The following LMBRD1 variants were observed in gnomAD, a reference collection of about 807,000 sequenced individuals.
LMBRD1 encodes LMBR1 domain containing 1.
In LMBRD1, 64 loss-of-function variants were observed where a neutral mutation model predicts 74.8. That is an observed-to-expected ratio of 0.86 (90% CI 0.70 to 1.05). LMBRD1 has a LOEUF of 1.05. Ranked by LOEUF, LMBRD1 falls within the 50% of genes least tolerant of loss-of-function variation. The pLI is 0.00. For synonymous variants in LMBRD1, 204 were observed against 216.3 expected, an observed-to-expected ratio of 0.94 and a Z score of 0.50; for missense variants, 652 against 645.9, an observed-to-expected ratio of 1.01 and a Z score of -0.10.
intron 3 of LMBRD1, among the ~76,000 whole-genome samples, chr6:69,761,162 G>A (rs1765364149): frequency 6.6e-6 from 1 of 152,204 alleles, no homozygotes; most frequent in South Asian, 2.1e-4. Context: ...TGCTGTGTAA[G>A]TTCTAAGAAT....
chr6:69,699,232 C>A (rs1766075219), intron 12 of LMBRD1, 40 bp from the exon 13 acceptor site: 3 of 1,535,048 alleles, frequency 2.0e-6, no homozygotes, highest in Non-Finnish European at 2.7e-6. Flanking sequence ...CAATATATTT[C>A]ATTTATAAAG....
In LMBRD1 at chr6:69,790,301, A is replaced by G; in HGVS notation, c.241T>C (p.Phe81Leu). ...CAAAGTAAGATTATATTTACCTTAA[A>G]TGTACCATTTTGATTTTTCATGTAA... is the stretch of plus-strand genomic sequence containing the variant. ...VSYMKNQNGT[F>L]KDWANANVSR... is the part of the protein sequence containing the mutation. The change falls in exon 2 of 16, where the codon TTT (phenylalanine) becomes CTT (leucine). Residue 81 changes from phenylalanine to leucine, a missense_variant. Physicochemically the swap from Phe to Leu is conservative, Grantham distance 22. This residue lies in a region of LMBRD1 where 598 missense variants were observed against 581.8 expected (regional missense o/e 1.03). Transcript: ENST00000649934. The G allele has an allele frequency of 6.2e-7, 1 of 1,604,896 alleles. No homozygotes were observed. Among genetic ancestry groups the G allele is most frequent in the Non-Finnish European group, 8.5e-7 (1 of 1,171,856 alleles).
intron 7 of LMBRD1, among the ~76,000 whole-genome samples, chr6:69,724,228 A>G (rs1036773848): frequency 6.6e-6 from 1 of 151,532 alleles, no homozygotes; most frequent in African/African-American, 2.4e-5. Context: ...GCCGAATTCT[A>G]TCAAACATTT....
intron 7 of LMBRD1, among the ~76,000 whole-genome samples, chr6:69,719,805 C>G (rs542910777): frequency 1.3e-5 from 2 of 152,284 alleles, no homozygotes; most frequent in East Asian, 3.9e-4. Context: ...GTGGCAGCAA[C>G]AAACTCTGAA....
At chr6:69,780,352 C>T in intron 3 of LMBRD1, 142 bp downstream of exon 3, 1 of 682,886 alleles carries the variant, frequency 1.5e-6, no homozygotes, top group Non-Finnish European at 2.7e-6. Context: ...ACTCCCTGCT[C>T]CTTAAAACTA....
chr6:69,747,612 C>A (rs1765014575), intron 5 of LMBRD1, among the ~76,000 whole-genome samples: 1 of 152,198 alleles, frequency 6.6e-6, no homozygotes, highest in Non-Finnish European at 1.5e-5. Flanking sequence ...CCTCTACCAT[C>A]AACATCTGGT....
At chr6:69,792,083 T>C (rs1766100506) in intron 1 of LMBRD1, among the ~76,000 whole-genome samples, 1 of 152,238 alleles carries the variant, frequency 6.6e-6, no homozygotes, top group Non-Finnish European at 1.5e-5. Context: ...GTCTCTACTT[T>C]TTTCCAGGAA....
chr6:69,794,407 C>T (rs565658301), intron 1 of LMBRD1, among the ~76,000 whole-genome samples: 27 of 152,316 alleles, frequency 1.8e-4, no homozygotes, highest in Non-Finnish European at 5.9e-5. Flanking sequence ...AGCATGCGTA[C>T]ATAAAGTCCT....
intron 14 of LMBRD1, among the ~76,000 whole-genome samples, chr6:69,688,889 A>G (rs1354493368): frequency 1.3e-5 from 2 of 152,260 alleles, no homozygotes; most frequent in South Asian, 4.1e-4. Flanking sequence ...ATGTCAAAAC[A>G]TACAAAGTTA....
intron 5 of LMBRD1, among the ~76,000 whole-genome samples, chr6:69,743,120 T>C (rs1767140452): frequency 6.6e-6 from 1 of 152,076 alleles, no homozygotes; most frequent in Non-Finnish European, 1.5e-5. Flanking sequence ...AACAGAAATA[T>C]AAACTAAGCA....
intron 14 of LMBRD1, among the ~76,000 whole-genome samples, chr6:69,687,754 T>G (rs1314505044): frequency 6.6e-6 from 1 of 152,166 alleles, no homozygotes; most frequent in East Asian, 1.9e-4. Flanking sequence ...CTAGTAGAGT[T>G]GATGACTTAT....
intron 14 of LMBRD1, among the ~76,000 whole-genome samples, chr6:69,691,980 C>T (rs1191146797): frequency 6.6e-6 from 1 of 150,898 alleles, no homozygotes; most frequent in African/African-American, 2.4e-5. Flanking sequence ...TACTCCAGAA[C>T]TTAAAGTTCA....
intron 2 of LMBRD1, among the ~76,000 whole-genome samples, chr6:69,785,111 C>A (rs1055995129): frequency 2.6e-5 from 4 of 152,144 alleles, no homozygotes; most frequent in African/African-American, 7.2e-5. Flanking sequence ...ACTTCTCTAC[C>A]CCATTCACTT....
rs186153151 is a variant in LMBRD1 at position 69,791,888 on chromosome 6, C to G, written c.70-1416G>C. ...TAAGGGCTAATAAGACCCTGAAAAA[C>G]CAGGGTGTGGACCAAGCTGGTTAAG... On this transcript the variant is annotated intron_variant, in intron 1 of 15. Transcript: ENST00000649934. 9.7e-4 allele frequency among the ~76,000 whole-genome samples: 147 copies of G among 152,282 alleles called. 2 individuals carry two copies. In the South Asian group the frequency reaches 0.015, roughly 15 times the overall value.
At chr6:69,710,462 T>C (rs756157718) in intron 9 of LMBRD1, among the ~76,000 whole-genome samples, 1 of 152,030 alleles carries the variant, frequency 6.6e-6, no homozygotes, top group African/African-American at 2.4e-5. Context: ...CACAAAAATA[T>C]GAACCAAAAA....
At chr6:69,688,416 T>TC (rs36100036) in intron 14 of LMBRD1, among the ~76,000 whole-genome samples, 8 of 151,806 alleles carry the variant, frequency 5.3e-5, no homozygotes, top group South Asian at 2.1e-4. Context: ...TTTTTTTTTT[T>TC]CACTTAAATC....
intron 8 of LMBRD1, among the ~76,000 whole-genome samples, chr6:69,714,239 C>G (rs527987531): frequency 6.6e-6 from 1 of 151,958 alleles, no homozygotes; most frequent in South Asian, 2.1e-4. Flanking sequence ...GCTTCTCAGC[C>G]CAATTCAAAT....
intron 4 of LMBRD1, among the ~76,000 whole-genome samples, chr6:69,751,515 C>G (rs1319000226): frequency 1.3e-5 from 2 of 152,116 alleles, no homozygotes; most frequent in Non-Finnish European, 2.9e-5. Context: ...TTAGTAGAGA[C>G]AAGGTTTCGC....
intron 2 of LMBRD1, among the ~76,000 whole-genome samples, chr6:69,789,212 A>T (rs1902654): frequency 6.6e-6 from 1 of 152,014 alleles, no homozygotes; most frequent in Admixed American, 6.5e-5. Flanking sequence ...CCTAACTACA[A>T]AAATATTTTC....
Sources: allele counts gnomAD v4.1 joint callset (sites outside exome capture counted in the v4.1 genomes callset), GRCh38; gene constraint gnomAD v4.1.1; regional missense constraint gnomAD v4.1.1; transcripts MANE v1.5; gene names NCBI Gene and HGNC (gene_info 2026-07-23, HGNC 2026-07-21).